Variants in TOMM40L observed in about 807,000 individuals in gnomAD.
TOMM40L encodes the protein translocase of outer mitochondrial membrane 40 like.
In TOMM40L, 17 loss-of-function variants were observed where a neutral mutation model predicts 38.3. The observed-to-expected ratio is 0.44, with a 90% CI of 0.30 to 0.67. The LOEUF (loss-of-function observed/expected upper bound fraction) is 0.67. TOMM40L is among the 30% of genes least tolerant of loss of function. The probability of loss-of-function intolerance (pLI) is 0.08; values close to 1 mark genes in which losing one functional copy is unlikely to be tolerated. For synonymous variants in TOMM40L, 151 were observed against 150.2 expected (o/e 1.01, Z -0.04); for missense variants, 294 against 390.0 (o/e 0.75, Z 2.07).
chr1:161,228,475 G>C lies in TOMM40L; in HGVS notation c.655G>C (p.Ala219Pro). The C allele has an allele frequency of 6.2e-7, 1 of 1,614,118 alleles. No individual in the cohort carries two copies. Among genetic ancestry groups the C allele is most frequent in the South Asian group, 1.1e-5 (1 of 91,078 alleles). The change falls in exon 8 of 10, where the codon GCA becomes CCA. Residue 219 changes from alanine (A) to proline (P), a missense_variant. Physicochemically the swap from Ala to Pro is conservative, Grantham distance 27. Transcript: ENST00000367988. ...GAATGTGGGATCAGGCGGGGCCCAT[G>C]CAAGTTACTACCACAGGGCAAATGA... ...TLNVGSGGAH[A>P]SYYHRANEQV...
intron 7 of TOMM40L, 32 bp downstream of exon 7, chr1:161,228,340 G>A (rs776008781): frequency 5.6e-6 from 9 of 1,608,392 alleles, no homozygotes; most frequent in South Asian, 4.4e-5. Context: ...TGGTGGTGGT[G>A]GGGGGCAATT....
At position 161,229,625 on chromosome 1, in the gene TOMM40L, A is replaced by G. The variant is rs939195803; in HGVS notation, c.*530A>G. 7.5e-6 allele frequency: 12 copies of G among 1,609,642 alleles called. No homozygotes were observed. Among genetic ancestry groups the G allele is most frequent in the Middle Eastern group, 2.0e-4 (1 of 4,950 alleles). Reference sequence around the variant, plus strand: ...GCTTCCAGAGAACAACTTTGTTCCTATGGTCACCCCCACTATCCCCATGAC... The same window carrying G: ...GCTTCCAGAGAACAACTTTGTTCCTGTGGTCACCCCCACTATCCCCATGAC... On this transcript the variant is annotated 3_prime_UTR_variant, in exon 10 of 10. Coordinates refer to ENST00000367988, the MANE Select transcript of TOMM40L (RefSeq NM_032174.6).
At position 161,230,614 on chromosome 1, in the gene TOMM40L, T is replaced by G; in HGVS notation, c.*1519T>G. ...AAAAAAAAATCTGGAAAAAGTGAGA[T>G]GAAACAGCAGTATCCAAATACAGCA... On this transcript the variant is annotated 3_prime_UTR_variant, in exon 10 of 10. Coordinates refer to ENST00000367988, the MANE Select transcript of TOMM40L (RefSeq NM_032174.6). The G allele has an allele frequency of 1.5e-6, 1 of 682,286 alleles. No individual in the cohort carries two copies. Among genetic ancestry groups the G allele is most frequent in the Non-Finnish European group, 2.4e-6 (1 of 411,938 alleles). 42.3% of individuals were successfully genotyped at this position (682,286 alleles called of 1,614,324 possible).
rs750446327 is a variant in TOMM40L, at chr1:161,227,648, G to T, written c.289G>T (p.Val97Leu). The T allele has an allele frequency of 6.2e-6, 10 of 1,613,386 alleles. No individual in the cohort carries two copies. The highest frequency in any genetic ancestry group is 8.5e-6 in the Non-Finnish European group (10 of 1,179,808). The change falls in exon 5 of 10, where the codon GTG (valine) becomes TTG (leucine). Residue 97 changes from valine to leucine, a missense_variant. Transcript: ENST00000367988. Reference protein sequence around the residue: ...QLSPTEVFPTVVGDMDSSGSL... With the variant: ...QLSPTEVFPTLVGDMDSSGSL... ...CACCCTTCCACAGGTGTTCCCCACT[G>T]TGGTAGGGGATATGGACAGCAGTGG...
chr1:161,227,001 T>A, intron 3 of TOMM40L, 46 bp downstream of exon 3: 2 of 1,606,726 alleles, frequency 1.2e-6, no homozygotes, highest in Non-Finnish European at 1.7e-6. Flanking sequence ...CCCTTTCCTG[T>A]CCCTGGATCA....
chr1:161,229,906 A>G lies in TOMM40L; in HGVS notation c.*811A>G, dbSNP rs774991039. 4 of 1,614,190 alleles carry G rather than the reference A, an allele frequency of 2.5e-6. No individual in the cohort carries two copies. In the South Asian group the frequency reaches 4.4e-5, roughly 18 times the overall value. On this transcript the variant is annotated 3_prime_UTR_variant, in exon 10 of 10. Coordinates refer to ENST00000367988, the MANE Select transcript of TOMM40L (RefSeq NM_032174.6). ...GCTCCGGAGCTCAGCCAGCAGGCCT[A>G]GCAACTTCGCATACAGAAACCTTTG...
In TOMM40L at chr1:161,229,536, A is replaced by G. The variant is rs899072992; in HGVS notation, c.*441A>G. On this transcript the variant is annotated 3_prime_UTR_variant, in exon 10 of 10. Transcript: ENST00000367988. Reference sequence around the variant, plus strand: ...TGTTTGGTCTCAGGAAGTGGGGCCCACCCATTCCCAGAAGGAGCTTCTTTA... The same window carrying G: ...TGTTTGGTCTCAGGAAGTGGGGCCCGCCCATTCCCAGAAGGAGCTTCTTTA... 2.1e-5 allele frequency: 24 copies of G among 1,165,610 alleles called. No homozygotes were observed. In the African/African-American group the frequency reaches 3.5e-4, roughly 17 times the overall value. 72.2% of individuals were successfully genotyped at this position (1,165,610 alleles called of 1,614,324 possible). A position where few individuals can be genotyped will look rare whatever the true frequency, so the allele number is the denominator to read the frequency against.
rs1666691118 is a variant in TOMM40L, at chr1:161,229,839, G to T, written c.*744G>T. On this transcript the variant is annotated 3_prime_UTR_variant, in exon 10 of 10. Coordinates refer to ENST00000367988, the MANE Select transcript of TOMM40L (RefSeq NM_032174.6). Reference sequence around the variant, plus strand: ...GGAGCAGCGGCATCATGGCAGACAGGCCCTGGATGTGCTGGATTTGGTACC... The same window carrying T: ...GGAGCAGCGGCATCATGGCAGACAGTCCCTGGATGTGCTGGATTTGGTACC... 6.2e-7 allele frequency: 1 copy of T among 1,614,064 alleles called. No homozygotes were observed. Among genetic ancestry groups the T allele is most frequent in the Non-Finnish European group, 8.5e-7 (1 of 1,180,042 alleles).
chr1:161,227,802 T>C (rs986351170), intron 5 of TOMM40L, 65 bp downstream of exon 5: 2 of 1,604,866 alleles, frequency 1.2e-6, no homozygotes, highest in Non-Finnish European at 1.7e-6. Context: ...GGTTTCCTGC[T>C]CTGAGGGCTT....
In TOMM40L at chr1:161,229,587, T is replaced by G; in HGVS notation, c.*492T>G. 6.4e-7 allele frequency: 1 copy of G among 1,551,660 alleles called. No individual in the cohort carries two copies. The highest frequency in any genetic ancestry group is 8.8e-7 in the Non-Finnish European group (1 of 1,140,094). ...CCTCTTAGCCCTGAGGTTTCCTCCT[T>G]CCCATCTTCTGTGCTTCCAGAGAAC... On this transcript the variant is annotated 3_prime_UTR_variant, in exon 10 of 10. Transcript: ENST00000367988.
chr1:161,226,670 G>T, intron 2 of TOMM40L, 66 bp downstream of exon 2: 1 of 1,493,348 alleles, frequency 6.7e-7, no homozygotes, highest in Non-Finnish European at 9.2e-7. Flanking sequence ...TTGAATGCCG[G>T]ATGTCCGGCG....
Position 161,229,447 on chromosome 1 carries a change from C to A in TOMM40L, c.*352C>A. The A allele has an allele frequency of 1.5e-6, 1 of 650,040 alleles. No homozygotes were observed. The highest frequency in any genetic ancestry group is 2.6e-6 in the Non-Finnish European group (1 of 383,388). The allele number at this position is 650,040 out of a possible 1,614,324, so 40.3% of individuals were successfully genotyped here. On this transcript the variant is annotated 3_prime_UTR_variant, in exon 10 of 10. Coordinates refer to ENST00000367988, the MANE Select transcript of TOMM40L (RefSeq NM_032174.6). ...TTTGGTTAATCCTGCATGGGATTAG[C>A]TGACCATCCTGTTTTCCATCCCAGA...
In TOMM40L at chr1:161,229,411, C is replaced by A. The variant is rs1361319651; in HGVS notation, c.*316C>A. ...GCACCCCTTGCCCTCAGGCTTCCTT[C>A]TTCCTTTCCCTTTGGTTAATCCTGC... is the stretch of plus-strand genomic sequence containing the variant. On this transcript the variant is annotated 3_prime_UTR_variant, in exon 10 of 10. Coordinates refer to ENST00000367988, the MANE Select transcript of TOMM40L (RefSeq NM_032174.6). The A allele has an allele frequency of 1.1e-5, 7 of 620,476 alleles. No individual in the cohort carries two copies. Among genetic ancestry groups the A allele is most frequent in the Admixed American group, 3.0e-5 (1 of 33,648 alleles). The allele number at this position is 620,476 out of a possible 1,614,324, so 38.4% of individuals were successfully genotyped here.
Position 161,228,314 on chromosome 1 carries a change from G to A in TOMM40L, c.607+6G>A, listed in dbSNP as rs376405584. 2.2e-5 allele frequency: 36 copies of A among 1,606,926 alleles called. No homozygotes were observed. The highest frequency in any genetic ancestry group is 2.9e-5 in the Non-Finnish European group (34 of 1,175,214). ...ACTGGCTGGGAAGTACTCGGGTATG[G>A]GGCGAAGTGAAGTAGTGGTGGTGGT... is the stretch of plus-strand genomic sequence containing the variant. On this transcript the variant is annotated splice_donor_region_variant and intron_variant, in intron 7 of 9. Transcript: ENST00000367988.
chr1:161,228,800 C>CGA lies in TOMM40L; in HGVS notation c.770_771insGA (p.Asn258ThrfsTer15). ...GGTTACCACCTGACTCTGCCCCAGG[C>CGA]CAACATGGTATTTAGAGGTGAGGGT... is the stretch of plus-strand genomic sequence containing the variant. On this transcript the variant is annotated frameshift_variant, in exon 9 of 10. Transcript: ENST00000367988. LOFTEE classifies it high-confidence loss of function. 1 of 1,614,100 alleles carries CGA rather than the reference C, an allele frequency of 6.2e-7. No individual in the cohort carries two copies. The highest frequency in any genetic ancestry group is 8.5e-7 in the Non-Finnish European group (1 of 1,180,026).
rs1666682625 is a variant in TOMM40L, at chr1:161,229,817, G to T, written c.*722G>T. 1 of 1,614,242 alleles carries T rather than the reference G, an allele frequency of 6.2e-7. No homozygotes were observed. The highest frequency in any genetic ancestry group is 8.5e-7 in the Non-Finnish European group (1 of 1,180,044). ...TGGCCTCAGCTGCAGATCTCCTGGA[G>T]CAGCGGCATCATGGCAGACAGGCCC... On this transcript the variant is annotated 3_prime_UTR_variant, in exon 10 of 10. Transcript: ENST00000367988.
intron 6 of TOMM40L, 22 bp from the exon 7 acceptor site, chr1:161,228,164 A>T: frequency 6.4e-7 from 1 of 1,570,858 alleles, no homozygotes. Flanking sequence ...GACTGACTCC[A>T]TGTCTCCCCA....
chr1:161,227,135 G>C lies in TOMM40L; in HGVS notation c.184-123G>C, dbSNP rs1272054055. On this transcript the variant is annotated intron_variant, in intron 3 of 9. Transcript: ENST00000367988. ...TGCTTTTAATCCGATGACCTTCTCT[G>C]TATATGTTGGAATATTTAGGATTCT... 2.5e-6 allele frequency: 3 copies of C among 1,187,994 alleles called. No homozygotes were observed. The African/African-American group carries it at 4.5e-5, about 18-fold the overall frequency. The allele number at this position is 1,187,994 out of a possible 1,614,324, so 73.6% of individuals were successfully genotyped here. A position where few individuals can be genotyped will look rare whatever the true frequency, so the allele number is the denominator to read the frequency against.
chr1:161,228,892 C>T (rs1033395387), intron 9 of TOMM40L, 64 bp from the exon 10 acceptor site: 61 of 1,613,784 alleles, frequency 3.8e-5, no homozygotes, highest in Non-Finnish European at 4.9e-5. Flanking sequence ...CTCGACCTTA[C>T]TTCTGGTGAC....
Sources: allele counts gnomAD v4.1 joint callset, GRCh38; gene constraint gnomAD v4.1.1; transcripts MANE v1.5; gene names NCBI Gene and HGNC (gene_info 2026-07-23, HGNC 2026-07-21).